Variants in LY96 observed in about 807,000 individuals in gnomAD.
LY96 encodes lymphocyte antigen 96.
A neutral mutation model predicts 18.9 loss-of-function variants in LY96; 18 were observed. The ratio of observed to expected loss-of-function variants is 0.95; its 90% CI spans 0.66 to 1.41. The LOEUF (loss-of-function observed/expected upper bound fraction) is 1.41, where lower values mean the gene tolerates loss of function less well. Ranked by LOEUF, LY96 falls within the 40% of genes most tolerant of loss-of-function variation. The pLI is 0.00. For missense variants in LY96, 175 were observed against 182.4 expected (o/e 0.96, Z 0.23); for synonymous variants, 66 against 62.6 (o/e 1.06, Z -0.26).
intron 1 of LY96, among the ~76,000 whole-genome samples, chr8:74,002,098 TCTCTCTCTCTCTCTCTC>T (rs1816308023): frequency 3.9e-5 from 1 of 25,810 alleles, no homozygotes; most frequent in African/African-American, 8.8e-5. Flanking sequence ...TTTCTTTCTC[TCTCTCTCTCTCTCTCTC>T]TCTCTCTCTC....
At chr8:74,058,850 T>C in the LY96 span, among the ~76,000 whole-genome samples, 1 of 152,160 alleles carries the variant, frequency 6.6e-6, no homozygotes, top group Non-Finnish European at 1.5e-5. Context: ...TATTGGCTCA[T>C]GCAATTATAC....
chr8:74,062,408 C>T, the LY96 span, among the ~76,000 whole-genome samples: 3 of 151,848 alleles, frequency 2.0e-5, no homozygotes, highest in Admixed American at 1.3e-4. Context: ...ACCCCAACCC[C>T]GGACAGGCCC....
chr8:74,054,112 C>A, the LY96 span, among the ~76,000 whole-genome samples: 1 of 152,274 alleles, frequency 6.6e-6, no homozygotes, highest in Admixed American at 6.5e-5. Context: ...TCTGCAGCCT[C>A]AACATTCTGG....
At chr8:74,013,532 C>T (rs1400314014) in intron 3 of LY96, among the ~76,000 whole-genome samples, 2 of 151,998 alleles carry the variant, frequency 1.3e-5, no homozygotes, top group African/African-American at 4.8e-5. Context: ...AAGTGATCCT[C>T]CTGCCTCAGC....
chr8:74,063,570 T>C, the LY96 span, among the ~76,000 whole-genome samples: 5 of 152,132 alleles, frequency 3.3e-5, no homozygotes, highest in African/African-American at 1.2e-4. Context: ...TGGTTGGAAT[T>C]GCAATAAATT....
Position 74,021,341 on chromosome 8 carries a change from C to T in LY96, c.332-5448C>T, listed in dbSNP as rs906187507. Among the ~76,000 whole-genome samples, 7 of 152,300 alleles carry T rather than the reference C, an allele frequency of 4.6e-5. No homozygotes were observed. In the South Asian group the frequency reaches 1.5e-3, roughly 32 times the overall value. ...AAAAATGCTCATCATCACTGGTCATCAGAGAAATGCAAATCAAAACCACAA... is the reference window on the plus strand; with the variant it reads ...AAAAATGCTCATCATCACTGGTCATTAGAGAAATGCAAATCAAAACCACAA... On this transcript the variant is annotated intron_variant, in intron 3 of 4. Coordinates refer to ENST00000284818, the MANE Select transcript of LY96 (RefSeq NM_015364.5).
intron 3 of LY96, among the ~76,000 whole-genome samples, chr8:74,025,000 T>C (rs921709819): frequency 2.6e-5 from 4 of 152,046 alleles, no homozygotes; most frequent in African/African-American, 9.7e-5. Flanking sequence ...CTTTCTTTTA[T>C]ATATTTTGTA....
chr8:74,028,939 C>T lies in LY96; in HGVS notation c.385-17C>T, dbSNP rs1282323040. ...CTAACATTTTGTATTACTTGTATTT[C>T]TTATACTTCATTTTAGGGAAAATAC... On this transcript the variant is annotated splice_polypyrimidine_tract_variant and intron_variant, in intron 4 of 4. Coordinates refer to ENST00000284818, the MANE Select transcript of LY96 (RefSeq NM_015364.5). 6.8e-7 allele frequency: 1 copy of T among 1,479,120 alleles called. No homozygotes were observed. The highest frequency in any genetic ancestry group is 1.4e-5 in the African/African-American group (1 of 72,562). 91.6% of individuals were successfully genotyped at this position (1,479,120 alleles called of 1,614,324 possible).
chr8:74,045,348 G>C, the LY96 span, among the ~76,000 whole-genome samples: 1 of 152,170 alleles, frequency 6.6e-6, no homozygotes, highest in Non-Finnish European at 1.5e-5. Flanking sequence ...TACAATAAAT[G>C]CCAGTGACAA....
chr8:74,094,158 T>C, the LY96 span, among the ~76,000 whole-genome samples: 1 of 151,990 alleles, frequency 6.6e-6, no homozygotes, highest in Admixed American at 6.6e-5. Flanking sequence ...GGAAACCTAA[T>C]TGTGGGTGGG....
the LY96 span, among the ~76,000 whole-genome samples, chr8:74,067,085 G>A: frequency 6.6e-6 from 1 of 152,206 alleles, no homozygotes; most frequent in Non-Finnish European, 1.5e-5. Context: ...AGTTTGGAAA[G>A]TCCTTGGCAA....
the LY96 span, among the ~76,000 whole-genome samples, chr8:74,050,319 G>C: frequency 2.6e-5 from 4 of 151,704 alleles, no homozygotes; most frequent in Non-Finnish European, 5.9e-5. Flanking sequence ...CTTCAGCCTG[G>C]GTAACAGAGC....
the LY96 span, among the ~76,000 whole-genome samples, chr8:74,053,179 A>G: frequency 1.3e-5 from 2 of 151,778 alleles, no homozygotes; most frequent in Non-Finnish European, 2.9e-5. Flanking sequence ...CTCCTCCTCT[A>G]CTCCACTCCT....
chr8:74,061,948 C>T, the LY96 span, among the ~76,000 whole-genome samples: 7 of 152,144 alleles, frequency 4.6e-5, no homozygotes, highest in African/African-American at 1.7e-4. Flanking sequence ...GATTGAAGTA[C>T]AGTGCACACA....
intron 1 of LY96, among the ~76,000 whole-genome samples, chr8:73,993,499 A>G (rs1816053990): frequency 6.6e-6 from 1 of 151,994 alleles, no homozygotes; most frequent in Non-Finnish European, 1.5e-5. Flanking sequence ...CTGGAGTGCA[A>G]TGGCATGATC....
the LY96 span, among the ~76,000 whole-genome samples, chr8:74,095,949 G>C: frequency 6.6e-6 from 1 of 152,102 alleles, no homozygotes; most frequent in African/African-American, 2.4e-5. Flanking sequence ...CTGAACTCTA[G>C]ATCTTTCTTC....
At chr8:74,026,199 C>T (rs181393496) in intron 3 of LY96, among the ~76,000 whole-genome samples, 374 of 152,324 alleles carry the variant, frequency 2.5e-3, no homozygotes, top group South Asian at 7.9e-3. Flanking sequence ...TCAAAACATA[C>T]ATTTCTATCT....
intron 4 of LY96, among the ~76,000 whole-genome samples, chr8:74,028,442 A>G (rs544252525): frequency 1.8e-4 from 28 of 152,316 alleles, no homozygotes; most frequent in African/African-American, 2.9e-4. Flanking sequence ...GTAAATCTCT[A>G]TAACTATTCA....
chr8:74,087,508 G>C, the LY96 span, among the ~76,000 whole-genome samples: 2 of 152,122 alleles, frequency 1.3e-5, no homozygotes, highest in African/African-American at 4.8e-5. Context: ...TTGGAATCCC[G>C]GGGTCCCACC....
Sources: gnomAD v4.1 joint callset for allele counts (sites outside exome capture counted in the v4.1 genomes callset) on GRCh38, gnomAD v4.1.1 for gene constraint, MANE v1.5 for transcripts, NCBI Gene and HGNC (gene_info 2026-07-23, HGNC 2026-07-21) for gene names.